The following SNX10 variants were observed in gnomAD, a reference collection of about 807,000 sequenced individuals.
SNX10 encodes the protein sorting nexin-10.
A neutral mutation model predicts 28.5 loss-of-function variants in SNX10; 25 were observed. The ratio of observed to expected loss-of-function variants is 0.88; its 90% CI spans 0.64 to 1.22. SNX10 has a LOEUF of 1.22. Among genes scored for constraint, SNX10 ranks in the 50% most tolerant of loss-of-function variants. The pLI, the probability that SNX10 is intolerant of heterozygous loss-of-function variation, is 0.00. For synonymous variants in SNX10, 62 were observed against 81.4 expected (o/e 0.76, Z 1.28); for missense variants, 223 against 242.6 (o/e 0.92, Z 0.54).
At chr7:26,346,103 C>T (rs1042208838) in intron 1 of SNX10, among the ~76,000 whole-genome samples, 7 of 152,190 alleles carry the variant, frequency 4.6e-5, no homozygotes, top group Admixed American at 6.5e-5. Flanking sequence ...TTCTGCTCCC[C>T]GGCATCTCCA....
intron 1 of SNX10, among the ~76,000 whole-genome samples, chr7:26,327,726 CTTTTTTTTTTTTT>C (rs70943293): frequency 1.1e-5 from 1 of 89,120 alleles, no homozygotes; most frequent in Non-Finnish European, 2.2e-5. Flanking sequence ...GCATTCTTTT[CTTTTTTTTTTTTT>C]TTTTTTTTGA....
chr7:26,357,566 G>A lies in SNX10; in HGVS notation c.25-3409G>A, dbSNP rs189581641. 8.5e-5 allele frequency among the ~76,000 whole-genome samples: 13 copies of A among 152,264 alleles called. No homozygotes were observed. In the East Asian group the frequency reaches 1.5e-3, roughly 18 times the overall value. ...GAAGGAAAGCAACATCATCAGATAC[G>A]TGTTTTGGAGCCATTCTTGTCTTCA... is the stretch of plus-strand genomic sequence containing the variant. On this transcript the variant is annotated intron_variant, in intron 2 of 6. Coordinates refer to ENST00000338523, the MANE Select transcript of SNX10 (RefSeq NM_013322.3).
At chr7:26,362,209 G>A (rs1456058477) in intron 3 of SNX10, among the ~76,000 whole-genome samples, 1 of 152,042 alleles carries the variant, frequency 6.6e-6, no homozygotes, top group Non-Finnish European at 1.5e-5. Flanking sequence ...TTCTGTTTTG[G>A]TTTTACTTAT....
At chr7:26,295,289 T>G (rs947675214) in intron 1 of SNX10, among the ~76,000 whole-genome samples, 5 of 152,086 alleles carry the variant, frequency 3.3e-5, no homozygotes, top group Non-Finnish European at 7.4e-5. Flanking sequence ...TTTGAACTCC[T>G]GAGCTCAAGT....
chr7:26,365,421 G>A (rs1789247841), intron 5 of SNX10, among the ~76,000 whole-genome samples: 1 of 152,040 alleles, frequency 6.6e-6, no homozygotes, highest in South Asian at 2.1e-4. Flanking sequence ...AAATTACCTG[G>A]GCGTTTAGCT....
At chr7:26,371,763 C>G in intron 5 of SNX10, 58 bp from the exon 6 acceptor site, 1 of 1,215,528 alleles carries the variant, frequency 8.2e-7, no homozygotes, top group Non-Finnish European at 1.2e-6. Context: ...TTTCTTTCTT[C>G]TACCCTATCA....
intron 2 of SNX10, among the ~76,000 whole-genome samples, chr7:26,349,068 A>G (rs1046160265): frequency 2.6e-5 from 4 of 152,230 alleles, no homozygotes; most frequent in Non-Finnish European, 4.4e-5. Context: ...TTCATATCCT[A>G]GTGTCTGGTT....
At chr7:26,348,685 A>C (rs1200142756) in intron 2 of SNX10, among the ~76,000 whole-genome samples, 1 of 152,216 alleles carries the variant, frequency 6.6e-6, no homozygotes, top group Non-Finnish European at 1.5e-5. Flanking sequence ...AAACACCTGC[A>C]CGTGGTCTCT....
intron 1 of SNX10, among the ~76,000 whole-genome samples, chr7:26,339,808 A>G (rs1584139247): frequency 6.7e-6 from 1 of 150,276 alleles, no homozygotes; most frequent in East Asian, 1.9e-4. Flanking sequence ...TGGCCTCCCA[A>G]AGTACTGGGA....
chr7:26,331,007 TG>T (rs1417901556), intron 1 of SNX10, among the ~76,000 whole-genome samples: 6 of 152,022 alleles, frequency 3.9e-5, no homozygotes. Flanking sequence ...AAGAATTATC[TG>T]GTCATGGTGG....
At chr7:26,342,031 T>TC (rs1406573233) in intron 1 of SNX10, among the ~76,000 whole-genome samples, 3 of 138,860 alleles carry the variant, frequency 2.2e-5, no homozygotes, top group African/African-American at 5.4e-5. Context: ...CTTCTTTCTT[T>TC]TTTTTTTTTT....
At chr7:26,321,649 C>G (rs1787311832) in intron 1 of SNX10, among the ~76,000 whole-genome samples, 1 of 152,192 alleles carries the variant, frequency 6.6e-6, no homozygotes, top group African/African-American at 2.4e-5. Context: ...AGGTTTTGTT[C>G]AGGCAGGAAA....
intron 1 of SNX10, among the ~76,000 whole-genome samples, chr7:26,319,604 C>G (rs1787231313): frequency 2.6e-5 from 4 of 152,182 alleles, no homozygotes. Context: ...TAGCTTGCTT[C>G]TAGACCATCT....
chr7:26,326,403 C>T (rs1204453388), intron 1 of SNX10, among the ~76,000 whole-genome samples: 2 of 152,210 alleles, frequency 1.3e-5, no homozygotes, highest in East Asian at 3.8e-4. Flanking sequence ...CCTCTACCCT[C>T]CCCATCCGAG....
intron 2 of SNX10, among the ~76,000 whole-genome samples, chr7:26,355,725 A>C (rs890516511): frequency 3.3e-5 from 5 of 152,208 alleles, no homozygotes; most frequent in Non-Finnish European, 7.3e-5. Context: ...CCTCCAAAAC[A>C]ATACAATTAC....
In SNX10 at chr7:26,339,530, C is replaced by CTTTTTTTTTTT. The variant is rs142702810; in HGVS notation, c.-23-6888_-23-6878dup. Reference sequence around the variant, plus strand: ...TTTGTTTGTTGTTGTTGAGCTTGATCTTTTTTTTTTTTCTTTTTTTTTTGA... The same window carrying CTTTTTTTTTTT: ...TTTGTTTGTTGTTGTTGAGCTTGATCTTTTTTTTTTTTTTTTTTTTTTTCTTTTTTTTTTGA... On this transcript the variant is annotated intron_variant, in intron 1 of 6. Coordinates refer to ENST00000338523, the MANE Select transcript of SNX10 (RefSeq NM_013322.3). 3.7e-4 allele frequency among the ~76,000 whole-genome samples: 36 copies of CTTTTTTTTTTT among 96,024 alleles called. 1 individual carries two copies. The highest frequency in any genetic ancestry group is 7.2e-4 in the Admixed American group (6 of 8,360). 63.0% of individuals were successfully genotyped at this position (96,024 alleles called of 152,430 possible).
chr7:26,351,662 T>G (rs947119124), intron 2 of SNX10, among the ~76,000 whole-genome samples: 1 of 141,220 alleles, frequency 7.1e-6, no homozygotes, highest in African/African-American at 2.8e-5. Context: ...TTTTTTTGTT[T>G]TTTTTTTTTT....
At chr7:26,307,905 G>C (rs1274157122) in intron 1 of SNX10, among the ~76,000 whole-genome samples, 1 of 152,048 alleles carries the variant, frequency 6.6e-6, no homozygotes, top group South Asian at 2.1e-4. Context: ...GAAGCTCATG[G>C]CTTGTAATTT....
chr7:26,339,648 G>T (rs2047872725), intron 1 of SNX10, among the ~76,000 whole-genome samples: 1 of 150,084 alleles, frequency 6.7e-6, no homozygotes, highest in Admixed American at 6.7e-5. Context: ...TCCTGCCTCA[G>T]CCTCCCGAGT....
Sources: allele counts gnomAD v4.1 joint callset (sites outside exome capture counted in the v4.1 genomes callset), GRCh38; gene constraint gnomAD v4.1.1; transcripts MANE v1.5; gene names NCBI Gene and HGNC (gene_info 2026-07-23, HGNC 2026-07-21).